BAG3: variants seen among roughly 807,000 people sequenced by gnomAD.
The protein encoded by BAG3 is BAG cochaperone 3.
A neutral mutation model predicts 40.5 loss-of-function variants in BAG3; 14 were observed. The observed-to-expected ratio is 0.35, with a 90% CI of 0.23 to 0.54. BAG3 has a LOEUF of 0.54. Among genes scored for constraint, BAG3 ranks in the 20% least tolerant of loss-of-function variants. BAG3 has a pLI of 0.91. For missense variants in BAG3, 788 were observed against 758.6 expected, an observed-to-expected ratio of 1.04 and a Z score of -0.46; for synonymous variants, 302 against 307.8, an observed-to-expected ratio of 0.98 and a Z score of 0.20.
intron 3 of BAG3, among the ~76,000 whole-genome samples, chr10:119,675,930 T>G: frequency 2.3e-5 from 1 of 43,074 alleles, no homozygotes; most frequent in East Asian, 6.5e-4. Context: ...CCTCCCTCCC[T>G]CCCTTCCTTC....
intron 1 of BAG3, among the ~76,000 whole-genome samples, chr10:119,667,818 A>G (rs7099687): frequency 0.22 from 32,942 of 152,110 alleles, 3,750 homozygotes; most frequent in Non-Finnish European, 0.26. Flanking sequence ...GTGGCTGGGA[A>G]GAAACAATGA....
intron 1 of BAG3, among the ~76,000 whole-genome samples, chr10:119,665,132 A>AT (rs1564771788): frequency 2.5e-4 from 14 of 56,472 alleles, no homozygotes; most frequent in African/African-American, 8.2e-4. Flanking sequence ...GTGTGTATAT[A>AT]TATATATATA....
At chr10:119,666,228 T>C (rs545389150) in intron 1 of BAG3, among the ~76,000 whole-genome samples, 1 of 152,302 alleles carries the variant, frequency 6.6e-6, no homozygotes, top group South Asian at 2.1e-4. Flanking sequence ...CCTGTGATGG[T>C]TGGAACACTC....
intron 3 of BAG3, among the ~76,000 whole-genome samples, chr10:119,675,797 T>TCCCCTTCCCCCCTTC (rs1554877603): frequency 5.7e-5 from 1 of 17,668 alleles, no homozygotes; most frequent in Non-Finnish European, 1.3e-4. Context: ...CTTCCCCCCT[T>TCCCCTTCCCCCCTTC]CCCCTTCCCC....
chr10:119,665,585 G>A (rs1024023660), intron 1 of BAG3, among the ~76,000 whole-genome samples: 3 of 152,100 alleles, frequency 2.0e-5, no homozygotes, highest in Non-Finnish European at 4.4e-5. Flanking sequence ...GGCCCAGGTG[G>A]TGTTTTTTAC....
rs1323954565 is a variant in BAG3 at position 119,675,332 on chromosome 10, C to T, written c.910-1132C>T. ...TGGGCAACAGAGTGAGACCCTGTCCCCCACAAAAATCTATATATCTATATG... is the reference window on the plus strand; with the variant it reads ...TGGGCAACAGAGTGAGACCCTGTCCTCCACAAAAATCTATATATCTATATG... On this transcript the variant is annotated intron_variant, in intron 3 of 3. Transcript: ENST00000369085. 2.6e-5 allele frequency among the ~76,000 whole-genome samples: 4 copies of T among 152,262 alleles called. No individual in the cohort carries two copies. In the East Asian group the frequency reaches 5.8e-4, roughly 22 times the overall value.
chr10:119,671,607 G>A (rs188833748), intron 2 of BAG3, among the ~76,000 whole-genome samples: 1 of 152,314 alleles, frequency 6.6e-6, no homozygotes, highest in Admixed American at 6.5e-5. Context: ...CTGGCCTGGG[G>A]CTGAGGCACA....
At chr10:119,676,222 A>C (rs1682782705) in intron 3 of BAG3, among the ~76,000 whole-genome samples, 1 of 151,964 alleles carries the variant, frequency 6.6e-6, no homozygotes, top group South Asian at 2.1e-4. Context: ...ATTCAGTGAG[A>C]GGTAATAGAC....
intron 2 of BAG3, 26 bp downstream of exon 2, chr10:119,670,203 CT>C (rs759580504): frequency 6.3e-7 from 1 of 1,576,576 alleles, no homozygotes; most frequent in Non-Finnish European, 8.6e-7. Flanking sequence ...GCTCACCAGC[CT>C]GCTGGGGAGC....
At position 119,670,172 on chromosome 10, in the gene BAG3, C is replaced by G; in HGVS notation, c.502C>G (p.Pro168Ala). The G allele has an allele frequency of 1.2e-6, 2 of 1,608,592 alleles. No homozygotes were observed. The highest frequency in any genetic ancestry group is 1.7e-6 in the Non-Finnish European group (2 of 1,178,962). Residue 168 changes from proline to alanine, a missense_variant, in exon 2 of 4, where the codon CCT (proline) becomes GCT (alanine). By Grantham distance (27) the Pro-to-Ala change is conservative. Coordinates refer to ENST00000369085, the MANE Select transcript of BAG3 (RefSeq NM_004281.4). ...AAAQPPASHG[P>A]ERSQSPAASD... is the part of the protein sequence containing the mutation. ...AGCCCAGCCCCCAGCCTCCCACGGA[C>G]CTGAGGTAAGGAGAGGCCAGGCTCA...
In BAG3 at chr10:119,672,009, G is replaced by A. The variant is rs1422928017; in HGVS notation, c.508-246G>A. ...TCACCATGTTGGCCAGGCTGCTCTT[G>A]AACTCCTGACCTCAGGTGGTCCACT... On this transcript the variant is annotated intron_variant, in intron 2 of 3. Transcript: ENST00000369085. The surrounding 1 kb of genome is among the most constrained non-coding windows in gnomAD (Gnocchi z 4.8). Among the ~76,000 whole-genome samples, 1 of 152,184 alleles carries A rather than the reference G, an allele frequency of 6.6e-6. No homozygotes were observed. Among genetic ancestry groups the A allele is most frequent in the African/African-American group, 2.4e-5 (1 of 41,438 alleles).
intron 1 of BAG3, among the ~76,000 whole-genome samples, chr10:119,658,192 A>C (rs536557940): frequency 6.6e-6 from 1 of 152,388 alleles, no homozygotes; most frequent in Admixed American, 6.5e-5. Context: ...TGAATGAATA[A>C]ATGAATGGAT....
In BAG3 at chr10:119,677,735, C is replaced by T. The variant is rs1266524556; in HGVS notation, c.*453C>T. On this transcript the variant is annotated 3_prime_UTR_variant, in exon 4 of 4. Transcript: ENST00000369085. Reference sequence around the variant, plus strand: ...TGACTTTAGAGAGAGTAAAATGTGCCAGGAGCCATAGGAATATCTGTATGT... The same window carrying T: ...TGACTTTAGAGAGAGTAAAATGTGCTAGGAGCCATAGGAATATCTGTATGT... 5.3e-6 allele frequency: 1 copy of T among 189,328 alleles called. No individual in the cohort carries two copies. The highest frequency in any genetic ancestry group is 2.3e-5 in the African/African-American group (1 of 42,878). The allele number at this position is 189,328 out of a possible 1,614,324, so 11.7% of individuals were successfully genotyped here. A position where few individuals can be genotyped will look rare whatever the true frequency, so the allele number is the denominator to read the frequency against.
chr10:119,670,468 A>G (rs751436470), intron 2 of BAG3, among the ~76,000 whole-genome samples: 5 of 152,238 alleles, frequency 3.3e-5, no homozygotes, highest in Non-Finnish European at 5.9e-5. Flanking sequence ...CCTGCTCCAG[A>G]TGCACACAGG....
intron 1 of BAG3, among the ~76,000 whole-genome samples, chr10:119,660,105 A>G (rs1846972288): frequency 6.6e-6 from 1 of 152,240 alleles, no homozygotes; most frequent in Non-Finnish European, 1.5e-5. Context: ...AAATACCAGC[A>G]GCTGCGGATG....
In BAG3 at chr10:119,651,468, C is replaced by T. The variant is rs529609887; in HGVS notation, c.-208C>T. Reference sequence around the variant, plus strand: ...TGCTACCTCCCTTTATCTCCTCCTTCCCCTCTGGCAGCGAGGAGGCTATTT... The same window carrying T: ...TGCTACCTCCCTTTATCTCCTCCTTTCCCTCTGGCAGCGAGGAGGCTATTT... On this transcript the variant is annotated 5_prime_UTR_variant, in exon 1 of 4. Transcript: ENST00000369085. 581 of 444,232 alleles carry T rather than the reference C, an allele frequency of 1.3e-3. 2 individuals are homozygous for T. Among genetic ancestry groups the T allele is most frequent in the African/African-American group, 0.01 (500 of 48,160 alleles). 27.5% of individuals were successfully genotyped at this position (444,232 alleles called of 1,614,324 possible). A position where few individuals can be genotyped will look rare whatever the true frequency, so the allele number is the denominator to read the frequency against.
chr10:119,675,186 A>G (rs1847202435), intron 3 of BAG3, among the ~76,000 whole-genome samples: 1 of 152,188 alleles, frequency 6.6e-6, no homozygotes, highest in Non-Finnish European at 1.5e-5. Context: ...TAGAAAAATT[A>G]GCCAGGCATG....
chr10:119,673,939 A>G (rs1191029368), intron 3 of BAG3, among the ~76,000 whole-genome samples: 1 of 152,252 alleles, frequency 6.6e-6, no homozygotes, highest in African/African-American at 2.4e-5. Flanking sequence ...GTTCATAACC[A>G]TGGTAGACTT....
At position 119,677,206 on chromosome 10, in the gene BAG3, A is replaced by G. The variant is rs1269366041; in HGVS notation, c.1652A>G (p.Gln551Arg). 2 of 1,614,168 alleles carry G rather than the reference A, an allele frequency of 1.2e-6. No individual in the cohort carries two copies. Among genetic ancestry groups the G allele is most frequent in the East Asian group, 2.2e-5 (1 of 44,888 alleles). ...NAEDPHTETQ[Q>R]PEATAAATSN... ...GAAGATCCCCACACAGAAACCCAGC[A>G]GCCAGAAGCCACAGCAGCAGCGACT... Residue 551 changes from glutamine to arginine, a missense_variant, in exon 4 of 4, where the codon CAG becomes CGG. Transcript: ENST00000369085.
Sources: allele counts gnomAD v4.1 joint callset (sites outside exome capture counted in the v4.1 genomes callset), GRCh38; gene constraint gnomAD v4.1.1; non-coding constraint Gnocchi (gnomAD v3.1); transcripts MANE v1.5; gene names NCBI Gene and HGNC (gene_info 2026-07-23, HGNC 2026-07-21).